ANKRD31: variants seen among roughly 807,000 people sequenced by gnomAD.
The protein encoded by ANKRD31 is ankyrin repeat domain 31.
In ANKRD31, 147 loss-of-function variants were observed where a neutral mutation model predicts 186.0. The observed-to-expected ratio is 0.79, with a 90% confidence interval of 0.69 to 0.91. The LOEUF (loss-of-function observed/expected upper bound fraction) is 0.91, where lower values mean the gene tolerates loss of function less well. Ranked by LOEUF, ANKRD31 falls within the 40% of genes least tolerant of loss-of-function variation. The probability of loss-of-function intolerance (pLI) is 0.00; values close to 1 mark genes in which losing one functional copy is unlikely to be tolerated. For synonymous variants in ANKRD31, 673 were observed against 736.4 expected, an observed-to-expected ratio of 0.91 and a Z score of 1.39; for missense variants, 1,986 against 2,148.8, an observed-to-expected ratio of 0.92 and a Z score of 1.50.
chr5:75,227,534 C>T (rs2150316537), intron 2 of ANKRD31, among the ~76,000 whole-genome samples: 1 of 152,098 alleles, frequency 6.6e-6, no homozygotes, highest in Non-Finnish European at 1.5e-5. Context: ...ATATATACAC[C>T]TACTATGTAC....
At chr5:75,078,080 C>T (rs1329904517) in intron 25 of ANKRD31, among the ~76,000 whole-genome samples, 1 of 151,484 alleles carries the variant, frequency 6.6e-6, no homozygotes, top group African/African-American at 2.4e-5. Context: ...ATATTATCTA[C>T]CTTATGAGTT....
At chr5:75,089,467 T>C (rs758687584) in intron 23 of ANKRD31, among the ~76,000 whole-genome samples, 18 of 152,194 alleles carry the variant, frequency 1.2e-4, no homozygotes, top group Non-Finnish European at 1.8e-4. Context: ...AGTAGAAATG[T>C]TCACATTTAC....
At chr5:75,216,066 ATCT>A (rs1352431520) in intron 3 of ANKRD31, among the ~76,000 whole-genome samples, 2 of 152,190 alleles carry the variant, frequency 1.3e-5, no homozygotes, top group African/African-American at 4.8e-5. Flanking sequence ...TAAAGGAGGT[ATCT>A]ATTTTTCCAA....
At chr5:75,099,120 AT>A (rs1243344459) in intron 22 of ANKRD31, among the ~76,000 whole-genome samples, 1 of 152,144 alleles carries the variant, frequency 6.6e-6, no homozygotes, top group Non-Finnish European at 1.5e-5. Context: ...TACCTAGTTT[AT>A]TGGGAGTTTT....
chr5:75,147,987 A>T (rs1006331066), intron 13 of ANKRD31, among the ~76,000 whole-genome samples: 1 of 151,970 alleles, frequency 6.6e-6, no homozygotes, highest in Admixed American at 6.6e-5. Context: ...AAACTTTACA[A>T]GAAGCTTTAC....
chr5:75,180,991 A>G (rs891997396), intron 10 of ANKRD31, among the ~76,000 whole-genome samples: 3 of 151,746 alleles, frequency 2.0e-5, no homozygotes, highest in African/African-American at 7.3e-5. Context: ...CATCTGACAA[A>G]GGGCTAATAT....
chr5:75,228,064 A>C (rs1307320544), intron 2 of ANKRD31, among the ~76,000 whole-genome samples: 1 of 152,248 alleles, frequency 6.6e-6, no homozygotes, highest in Non-Finnish European at 1.5e-5. Context: ...CCGCTGCTTT[A>C]CTGCACATAA....
At chr5:75,171,877 CA>C (rs1753354697) in intron 10 of ANKRD31, among the ~76,000 whole-genome samples, 1 of 151,004 alleles carries the variant, frequency 6.6e-6, no homozygotes, top group Non-Finnish European at 1.5e-5. Flanking sequence ...AAATGTTAGA[CA>C]AATTCATTCA....
intron 25 of ANKRD31, among the ~76,000 whole-genome samples, chr5:75,075,046 A>G (rs1023294682): frequency 6.6e-6 from 1 of 152,190 alleles, no homozygotes; most frequent in African/African-American, 2.4e-5. Context: ...AGTTTATTAC[A>G]CCTACCTTAA....
At chr5:75,228,469 C>A (rs1479320489) in intron 2 of ANKRD31, among the ~76,000 whole-genome samples, 14 of 151,970 alleles carry the variant, frequency 9.2e-5, no homozygotes, top group Non-Finnish European at 2.9e-5. Context: ...CCTTTTGAAT[C>A]ATGGATCTTG....
At chr5:75,175,369 T>C (rs1221344852) in intron 10 of ANKRD31, among the ~76,000 whole-genome samples, 1 of 152,012 alleles carries the variant, frequency 6.6e-6, no homozygotes, top group African/African-American at 2.4e-5. Context: ...ACCCTAGAGC[T>C]TCAAGTATAT....
At chr5:75,222,389 C>A in intron 2 of ANKRD31, 31 bp from the exon 3 acceptor site, 3 of 1,470,604 alleles carry the variant, frequency 2.0e-6, no homozygotes, top group Non-Finnish European at 2.7e-6. Flanking sequence ...AAATCATTTA[C>A]AACAGTTTTA....
At chr5:75,218,026 T>A (rs1757067295) in intron 3 of ANKRD31, among the ~76,000 whole-genome samples, 1 of 152,062 alleles carries the variant, frequency 6.6e-6, no homozygotes. Context: ...AACATACAAC[T>A]AGAAGAACTG....
Position 75,210,622 on chromosome 5 carries a change from G to T in ANKRD31, c.326+206C>A, listed in dbSNP as rs145986022. Among the ~76,000 whole-genome samples the T allele has an allele frequency of 8.7e-4, 132 of 152,158 alleles. 3 individuals carry two copies. The East Asian group carries it at 0.024, about 27-fold the overall frequency. On this transcript the variant is annotated intron_variant, in intron 4 of 25. Coordinates refer to ENST00000506364, the MANE Select transcript of ANKRD31 (RefSeq NM_001372053.1). ...TTAAATTCGCTTTTAAAATAATAGA[G>T]AACCAAGTTAATCTGATTCAATGCT...
chr5:75,180,715 C>T (rs1310874651), intron 10 of ANKRD31, among the ~76,000 whole-genome samples: 1 of 152,152 alleles, frequency 6.6e-6, no homozygotes, highest in African/African-American at 2.4e-5. Context: ...CTTCCTTACA[C>T]CTATACAAAA....
chr5:75,175,352 C>T (rs1457715263), intron 10 of ANKRD31, among the ~76,000 whole-genome samples: 1 of 152,018 alleles, frequency 6.6e-6, no homozygotes, highest in Non-Finnish European at 1.5e-5. Flanking sequence ...GCATGTTGTG[C>T]ACATGTACCC....
chr5:75,181,159 G>T (rs540916655), intron 10 of ANKRD31, among the ~76,000 whole-genome samples: 6 of 152,228 alleles, frequency 3.9e-5, no homozygotes, highest in African/African-American at 1.4e-4. Context: ...GGCCATCAGA[G>T]AAATACAAAT....
At chr5:75,148,432 C>CTTAA in intron 13 of ANKRD31, 144 bp downstream of exon 13, 1 of 544,578 alleles carries the variant, frequency 1.8e-6, no homozygotes, top group Non-Finnish European at 3.1e-6. Flanking sequence ...CTCTGATTCT[C>CTTAA]ATGCAATTAT....
At chr5:75,096,941 G>A (rs974628909) in intron 22 of ANKRD31, among the ~76,000 whole-genome samples, 5 of 151,586 alleles carry the variant, frequency 3.3e-5, no homozygotes, top group African/African-American at 1.2e-4. Context: ...ATAATTTGCT[G>A]AGAATGATGG....
Sources: gnomAD v4.1 joint callset for allele counts (sites outside exome capture counted in the v4.1 genomes callset) on GRCh38, gnomAD v4.1.1 for gene constraint, MANE v1.5 for transcripts, NCBI Gene and HGNC (gene_info 2026-07-23, HGNC 2026-07-21) for gene names.